The following NCK2 variants were observed in gnomAD, a reference collection of about 807,000 sequenced individuals.
NCK2 encodes cytoplasmic protein NCK2.
A neutral mutation model predicts 33.9 loss-of-function variants in NCK2; 16 were observed. The ratio of observed to expected loss-of-function variants is 0.47; its 90% CI spans 0.32 to 0.72. NCK2 has a LOEUF of 0.72. Ranked by LOEUF, NCK2 falls within the 30% of genes least tolerant of loss-of-function variation. NCK2 has a pLI of 0.03. For missense variants in NCK2, 418 were observed against 537.3 expected (o/e 0.78, Z 2.19); for synonymous variants, 273 against 239.9 (o/e 1.14, Z -1.27).
At chr2:105,833,213 A>G (rs888551135) in intron 2 of NCK2, among the ~76,000 whole-genome samples, 7 of 151,618 alleles carry the variant, frequency 4.6e-5, no homozygotes, top group Non-Finnish European at 7.4e-5. Flanking sequence ...TCCTGCCTCA[A>G]TCTCCCGAGT....
intron 3 of NCK2, among the ~76,000 whole-genome samples, chr2:105,876,283 C>T (rs1208495626): frequency 6.6e-6 from 1 of 152,226 alleles, no homozygotes; most frequent in Non-Finnish European, 1.5e-5. Flanking sequence ...TGTCTCAAGT[C>T]TTGCTAAAAC....
chr2:105,815,542 T>C (rs1170482407), intron 1 of NCK2, among the ~76,000 whole-genome samples: 2 of 152,182 alleles, frequency 1.3e-5, no homozygotes, highest in Non-Finnish European at 2.9e-5. Flanking sequence ...CTCGAAAACG[T>C]TAGTCAAGGA....
At chr2:105,861,786 A>T (rs1205292000) in intron 3 of NCK2, among the ~76,000 whole-genome samples, 1 of 152,078 alleles carries the variant, frequency 6.6e-6, no homozygotes, top group African/African-American at 2.4e-5. Context: ...AAGTCCTGGG[A>T]TTATAGGCAT....
chr2:105,840,056 G>A (rs1015639137), intron 2 of NCK2, among the ~76,000 whole-genome samples: 1 of 152,182 alleles, frequency 6.6e-6, no homozygotes, highest in African/African-American at 2.4e-5. Flanking sequence ...CAAAGATCAG[G>A]TTGGGGAGGA....
At chr2:105,876,713 G>A (rs1377836934) in intron 3 of NCK2, among the ~76,000 whole-genome samples, 1 of 152,156 alleles carries the variant, frequency 6.6e-6, no homozygotes, top group Non-Finnish European at 1.5e-5. Flanking sequence ...TTGTGCTTCT[G>A]TTACAACTGG....
intron 2 of NCK2, among the ~76,000 whole-genome samples, chr2:105,830,504 A>G (rs1177901362): frequency 6.6e-6 from 1 of 152,088 alleles, no homozygotes; most frequent in Non-Finnish European, 1.5e-5. Context: ...TTGATTACAT[A>G]TCTTGGCTAT....
intron 1 of NCK2, among the ~76,000 whole-genome samples, chr2:105,772,231 T>C (rs955035748): frequency 3.3e-5 from 5 of 152,038 alleles, no homozygotes; most frequent in Admixed American, 2.6e-4. Flanking sequence ...TTGAGAACCA[T>C]AGATTTATTT....
At position 105,893,125 on chromosome 2, in the gene NCK2, C is replaced by A; in HGVS notation, c.1092C>A (p.Ile364=). 6.2e-7 allele frequency: 1 copy of A among 1,612,958 alleles called. No homozygotes were observed. The highest frequency in any genetic ancestry group is 1.1e-5 in the South Asian group (1 of 90,872). Residue 364 remains isoleucine, a synonymous_variant, in exon 5 of 5, where the codon ATC becomes ATA. Transcript: ENST00000233154. Reference sequence around the variant, plus strand: ...TGGAACACTACAAAAAGGCGCCCATCTTCACCAGCGAGCACGGGGAGAAGC... The same window carrying A: ...TGGAACACTACAAAAAGGCGCCCATATTCACCAGCGAGCACGGGGAGAAGC... ...ELVEHYKKAP[I]FTSEHGEKLY... is the part of the protein sequence containing the mutation.
chr2:105,800,041 G>T (rs1674764964), intron 1 of NCK2, among the ~76,000 whole-genome samples: 1 of 152,210 alleles, frequency 6.6e-6, no homozygotes, highest in African/African-American at 2.4e-5. Flanking sequence ...TGTTCATGTG[G>T]TATCATTAGA....
intron 2 of NCK2, among the ~76,000 whole-genome samples, chr2:105,828,873 A>G (rs1309039186): frequency 6.6e-6 from 1 of 152,236 alleles, no homozygotes; most frequent in African/African-American, 2.4e-5. Flanking sequence ...AATAGAAACC[A>G]TAGCTCTTAG....
chr2:105,887,652 C>T (rs909374027), intron 4 of NCK2, among the ~76,000 whole-genome samples: 5 of 152,210 alleles, frequency 3.3e-5, no homozygotes, highest in African/African-American at 1.2e-4. Flanking sequence ...CGCATTAATA[C>T]ATAAGCTTTC....
At chr2:105,834,025 T>C (rs755452781) in intron 2 of NCK2, among the ~76,000 whole-genome samples, 1 of 152,254 alleles carries the variant, frequency 6.6e-6, no homozygotes, top group Non-Finnish European at 1.5e-5. Flanking sequence ...CTTTGATTTA[T>C]AAAAATTTCT....
intron 1 of NCK2, among the ~76,000 whole-genome samples, chr2:105,807,533 T>C (rs1237333779): frequency 6.6e-6 from 1 of 152,100 alleles, no homozygotes; most frequent in Admixed American, 6.5e-5. Flanking sequence ...ATAGGGTCAC[T>C]TGGGGACATA....
rs910647896 is a variant in NCK2, at chr2:105,830,641, C to T, written c.-17+14028C>T. ...TTGCACCAATGGTAAATTAGTGTTC[C>T]TCTTTGTTTGCATCCTTGCCAGGAA... is the stretch of plus-strand genomic sequence containing the variant. On this transcript the variant is annotated intron_variant, in intron 2 of 4. Transcript: ENST00000233154. 4.1e-5 allele frequency among the ~76,000 whole-genome samples: 6 copies of T among 147,484 alleles called. 1 individual carries two copies. The South Asian group carries it at 1.1e-3, about 26-fold the overall frequency.
At chr2:105,891,072 G>A (rs546371069) in intron 4 of NCK2, among the ~76,000 whole-genome samples, 22 of 152,330 alleles carry the variant, frequency 1.4e-4, no homozygotes, top group African/African-American at 5.1e-4. Context: ...GAGAGCACAT[G>A]CTCAGCTCCA....
At chr2:105,751,248 C>T (rs1242211662) in intron 1 of NCK2, among the ~76,000 whole-genome samples, 2 of 152,208 alleles carry the variant, frequency 1.3e-5, no homozygotes, top group Non-Finnish European at 1.5e-5. Context: ...TCCTTGAATT[C>T]TCCCTCAGCT....
At chr2:105,875,866 ATTTTATGATGATAGATT>A (rs1479330800) in intron 3 of NCK2, among the ~76,000 whole-genome samples, 3 of 152,232 alleles carry the variant, frequency 2.0e-5, no homozygotes, top group Non-Finnish European at 4.4e-5. Context: ...AAACACCGTA[ATTTTATGATGATAGATT>A]TAAAGTGCTT....
At chr2:105,791,378 G>T (rs896537481) in intron 1 of NCK2, among the ~76,000 whole-genome samples, 1 of 152,148 alleles carries the variant, frequency 6.6e-6, no homozygotes, top group Admixed American at 6.5e-5. Context: ...GAGTGACCAG[G>T]TGTGGTGGAA....
intron 1 of NCK2, among the ~76,000 whole-genome samples, chr2:105,802,445 G>A (rs567908876): frequency 3.2e-4 from 48 of 152,306 alleles, no homozygotes; most frequent in African/African-American, 1.1e-3. Flanking sequence ...TTTGGTTCAC[G>A]GTTCTGCAGG....
Sources: allele counts gnomAD v4.1 joint callset (sites outside exome capture counted in the v4.1 genomes callset), GRCh38; gene constraint gnomAD v4.1.1; transcripts MANE v1.5; gene names NCBI Gene and HGNC (gene_info 2026-07-23, HGNC 2026-07-21).